Variants in PRICKLE3 observed in about 807,000 individuals in gnomAD.
PRICKLE3 encodes the protein LIM domain only protein 6.
PRICKLE3 carries 17 observed loss-of-function variants against 33.8 expected under a neutral mutation model. The ratio of observed to expected loss-of-function variants is 0.50; its 90% CI spans 0.34 to 0.75. The LOEUF is 0.75. Among genes scored for constraint, PRICKLE3 ranks in the 30% least tolerant of loss-of-function variants. The pLI is 0.01. For synonymous variants in PRICKLE3, 211 were observed against 219.6 expected (o/e 0.96, Z 0.34); for missense variants, 573 against 576.7 (o/e 0.99, Z 0.07).
chrX:49,177,567 G>A (rs782550882), intron 7 of PRICKLE3, among the ~76,000 whole-genome samples: 4 of 112,053 alleles, frequency 3.6e-5, no homozygotes, highest in Non-Finnish European at 5.6e-5. Context: ...GGTGGGGGCA[G>A]GGCTTAGCAG....
At position 49,177,131 on chromosome X, in the gene PRICKLE3, G is replaced by A. The variant is rs7065449; in HGVS notation, c.1027C>T (p.Arg343Cys). 2.9e-4 allele frequency: 349 copies of A among 1,199,489 alleles called. 1 individual carries two copies. The African/African-American group carries it at 5.4e-3, about 18-fold the overall frequency. Reference protein sequence around the residue: ...HASDRCFCCSRCGRALLGRPF... With the variant: ...HASDRCFCCSCCGRALLGRPF... Reference sequence around the variant, plus strand: ...CGGCCCAGCAGGGCCCGCCCACAGCGACTACAGCAGAAGCAGCGGTCTGAG... The same window carrying A: ...CGGCCCAGCAGGGCCCGCCCACAGCAACTACAGCAGAAGCAGCGGTCTGAG... Residue 343 changes from arginine (R) to cysteine (C), a missense_variant, in exon 8 of 9, where the codon CGC (arginine) becomes TGC (cysteine). Physicochemically the swap from Arg to Cys is radical, Grantham distance 180 (BLOSUM62 -3). Coordinates refer to ENST00000599218, the MANE Select transcript of PRICKLE3 (RefSeq NM_006150.5).
At chrX:49,180,035 C>CTT (rs150588040) in intron 3 of PRICKLE3, among the ~76,000 whole-genome samples, 2,731 of 54,191 alleles carry the variant, frequency 0.05, 166 homozygotes, top group African/African-American at 0.093. Context: ...TGCTGATCAC[C>CTT]TTTTTTTTTT....
intron 3 of PRICKLE3, 65 bp downstream of exon 3, chrX:49,183,668 TG>T: frequency 8.3e-7 from 1 of 1,199,736 alleles, no homozygotes; most frequent in East Asian, 3.0e-5. Flanking sequence ...TGAGTGTGTG[TG>T]TGTGTGTGTG....
At chrX:49,184,061 C>T (rs2065470841) in intron 2 of PRICKLE3, 144 bp from the exon 3 acceptor site, 2 of 752,557 alleles carry the variant, frequency 2.7e-6, no homozygotes, top group East Asian at 3.5e-5. Context: ...GGCCTGGGGG[C>T]AGGGCTGCAG....
chrX:49,181,413 TATA>T (rs2065448932), intron 3 of PRICKLE3, among the ~76,000 whole-genome samples: 1 of 94,767 alleles, frequency 1.1e-5, no homozygotes, highest in South Asian at 5.1e-4. Context: ...TATATACACG[TATA>T]ATTATTATAC....
chrX:49,175,770 G>T lies in PRICKLE3; in HGVS notation c.1751C>A (p.Ala584Glu). Residue 584 changes from alanine to glutamate, a missense_variant, in exon 9 of 9, where the codon GCA becomes GAA. Coordinates refer to ENST00000599218, the MANE Select transcript of PRICKLE3 (RefSeq NM_006150.5). ...LCRPMPAQDT[A>E]METFNSPSLS... ...AGATGGGGAGTTGAAGGTCTCCATT[G>T]CAGTGTCCTGAGCAGGCATGGGCCT... 1.7e-6 allele frequency: 2 copies of T among 1,211,955 alleles called. No homozygotes were observed. The highest frequency in any genetic ancestry group is 2.2e-6 in the Non-Finnish European group (2 of 895,394).
At chrX:49,180,476 C>T (rs2065443462) in intron 3 of PRICKLE3, among the ~76,000 whole-genome samples, 1 of 111,418 alleles carries the variant, frequency 9.0e-6, no homozygotes, top group Non-Finnish European at 1.9e-5. Flanking sequence ...CCAAAGCTGT[C>T]AAGGTCATCC....
chrX:49,181,133 C>A (rs1220620270), intron 3 of PRICKLE3, among the ~76,000 whole-genome samples: 2 of 109,703 alleles, frequency 1.8e-5, no homozygotes, highest in African/African-American at 6.7e-5. Flanking sequence ...TTTAGGAGGC[C>A]CAGAGGGGAA....
chrX:49,179,129 A>G, intron 5 of PRICKLE3, 122 bp downstream of exon 5: 1 of 947,687 alleles, frequency 1.1e-6, no homozygotes. Flanking sequence ...AGGGGACCCT[A>G]GAGACACCTC....
chrX:49,176,774 G>T, intron 8 of PRICKLE3, 129 bp downstream of exon 8: 1 of 687,693 alleles, frequency 1.5e-6, no homozygotes, highest in Non-Finnish European at 2.0e-6. Flanking sequence ...GCTGAGAAAT[G>T]GGCGGGGCCC....
chrX:49,176,174 C>T lies in PRICKLE3; in HGVS notation c.1347G>A (p.Pro449=). ...PELGLRSVPE[P]PPESPGQPNL... ...TAGGCTGGCCGGGGGACTCTGGGGG[C>T]GGCTCGGGGACACTGCGGAGCCCCA... The change falls in exon 9 of 9, where the codon CCG becomes CCA. Residue 449 remains proline, a synonymous_variant. Coordinates refer to ENST00000599218, the MANE Select transcript of PRICKLE3 (RefSeq NM_006150.5). 3 of 1,186,767 alleles carry T rather than the reference C, an allele frequency of 2.5e-6. No individual in the cohort carries two copies. Among genetic ancestry groups the T allele is most frequent in the Non-Finnish European group, 3.4e-6 (3 of 882,603 alleles).
chrX:49,179,109 C>G (rs189204361), intron 5 of PRICKLE3, 142 bp downstream of exon 5: 1 of 817,784 alleles, frequency 1.2e-6, no homozygotes, highest in Non-Finnish European at 1.7e-6. Context: ...GAACAGACCC[C>G]GCCCACAAGA....
chrX:49,176,824 G>A, intron 8 of PRICKLE3, 79 bp downstream of exon 8: 1 of 1,011,590 alleles, frequency 9.9e-7, no homozygotes, highest in Non-Finnish European at 1.3e-6. Context: ...AGTCAAGAAG[G>A]AAGGGCCAGG....
At chrX:49,177,322 CCTT>C in intron 7 of PRICKLE3, 120 bp from the exon 8 acceptor site, 1 of 748,546 alleles carries the variant, frequency 1.3e-6, no homozygotes, top group Non-Finnish European at 1.9e-6. Context: ...CCCCTGGGTG[CCTT>C]CCTCCCTCCT....
chrX:49,181,943 C>T (rs1309684129), intron 3 of PRICKLE3, among the ~76,000 whole-genome samples: 1 of 106,733 alleles, frequency 9.4e-6, no homozygotes, highest in African/African-American at 3.4e-5. Context: ...ACCACTGCAC[C>T]CAGCCTATTT....
At chrX:49,176,763 A>C in intron 8 of PRICKLE3, 140 bp downstream of exon 8, 1 of 603,274 alleles carries the variant, frequency 1.7e-6, no homozygotes, top group Non-Finnish European at 2.4e-6. Flanking sequence ...AAGGAGGATG[A>C]GCTGAGAAAT....
At chrX:49,184,210 G>A (rs1557101570) in intron 2 of PRICKLE3, among the ~76,000 whole-genome samples, 2 of 110,283 alleles carry the variant, frequency 1.8e-5, no homozygotes, top group African/African-American at 6.8e-5. Context: ...TGGGCTCTGA[G>A]CCTGTGGGTA....
intron 3 of PRICKLE3, among the ~76,000 whole-genome samples, chrX:49,181,358 A>AC (rs782299721): frequency 4.3e-3 from 384 of 89,090 alleles, no homozygotes; most frequent in Middle Eastern, 5.9e-3. Flanking sequence ...ACAGAGTGAG[A>AC]CCCCCCCCCA....
rs782270690 is a variant in PRICKLE3, at chrX:49,183,718, G to A, written c.312+16C>T. ...ACCCACTGGACAGCAAGAGTGGAGG[G>A]CTGGCCTCTGGTCACCTGCTCCGGC... On this transcript the variant is annotated intron_variant, in intron 3 of 8. Transcript: ENST00000599218. 9.9e-6 allele frequency: 12 copies of A among 1,211,419 alleles called. No homozygotes were observed. The highest frequency in any genetic ancestry group is 1.3e-5 in the Non-Finnish European group (12 of 895,311).
Sources: allele counts gnomAD v4.1 joint callset (sites outside exome capture counted in the v4.1 genomes callset), GRCh38; gene constraint gnomAD v4.1.1; transcripts MANE v1.5; gene names NCBI Gene and HGNC (gene_info 2026-07-23, HGNC 2026-07-21).